SDHA: variants seen among roughly 807,000 people sequenced by gnomAD.
SDHA encodes succinate dehydrogenase [ubiquinone] flavoprotein subunit, mitochondrial.
Under a neutral mutation model 78.4 loss-of-function variants are expected in SDHA, and 48 were observed. The ratio of observed to expected loss-of-function variants is 0.61; its 90% CI spans 0.49 to 0.78. SDHA has a LOEUF of 0.78. SDHA is among the 30% of genes least tolerant of loss of function. The probability of loss-of-function intolerance (pLI) is 0.00; values close to 1 mark genes in which losing one functional copy is unlikely to be tolerated. For synonymous variants in SDHA, 326 were observed against 353.9 expected (o/e 0.92, Z 0.88); for missense variants, 680 against 892.7 (o/e 0.76, Z 3.04).
chr5:257,096 T>G (rs1446497915), downstream of SDHA, among the ~76,000 whole-genome samples: 2 of 152,176 alleles, frequency 1.3e-5, no homozygotes, highest in African/African-American at 2.4e-5. Context: ...TGCCTGGCCT[T>G]GTAGTTTATT....
intron 11 of SDHA, chr5:249,930 A>G (rs1022402521): frequency 2.0e-5 from 3 of 152,260 alleles, no homozygotes; most frequent in African/African-American, 7.2e-5. Context: ...AGAGATTTGT[A>G]TCTAAAAATC....
intron 10 of SDHA, among the ~76,000 whole-genome samples, chr5:239,792 C>T (rs964058464): frequency 7.6e-5 from 11 of 145,536 alleles, no homozygotes; most frequent in African/African-American, 2.9e-4. Flanking sequence ...TTTTTTAAGA[C>T]AGGGTCTCGC....
chr5:237,206 T>C (rs1262755322), intron 10 of SDHA, among the ~76,000 whole-genome samples: 1 of 135,354 alleles, frequency 7.4e-6, no homozygotes, highest in East Asian at 1.9e-4. Flanking sequence ...TTTAGGGGAA[T>C]CATTACATAT....
intron 3 of SDHA, 133 bp downstream of exon 3, chr5:224,654 C>G (rs1271724230): frequency 1.1e-6 from 1 of 940,112 alleles, no homozygotes; most frequent in African/African-American, 1.6e-5. Context: ...TTACTCAGCT[C>G]ACCCTCTCAG....
intron 1 of SDHA, chr5:220,307 T>G (rs1560982600): frequency 2.3e-6 from 1 of 440,452 alleles, no homozygotes; most frequent in Admixed American, 2.4e-5. Flanking sequence ...CCAAGAAACT[T>G]CAATAGTTAC....
chr5:265,932 G>A, the SDHA span, among the ~76,000 whole-genome samples: 1 of 151,712 alleles, frequency 6.6e-6, no homozygotes, highest in Non-Finnish European at 1.5e-5. Flanking sequence ...CAGTCCTGGG[G>A]GAACCCTACC....
chr5:229,866 G>A (rs981867791), intron 6 of SDHA, among the ~76,000 whole-genome samples: 1 of 124,692 alleles, frequency 8.0e-6, no homozygotes, highest in Non-Finnish European at 1.5e-5. Context: ...ACATTATACA[G>A]CATGGTGGCC....
At chr5:252,855 C>T (rs1252197720) in intron 13 of SDHA, among the ~76,000 whole-genome samples, 1 of 143,036 alleles carries the variant, frequency 7.0e-6, no homozygotes, top group Non-Finnish European at 1.5e-5. Flanking sequence ...ACAAGTAAGT[C>T]ACTGTTTCAG....
chr5:246,866 A>G (rs1199159835), intron 11 of SDHA, among the ~76,000 whole-genome samples: 1 of 152,246 alleles, frequency 6.6e-6, no homozygotes, highest in East Asian at 1.9e-4. Flanking sequence ...TTACATGGAT[A>G]TGATCCTGAA....
Position 256,435 on chromosome 5 carries a change from G to A in SDHA, c.*15G>A, listed in dbSNP as rs1057522224. The stretch of plus-strand genomic sequence containing the variant: ...GCTCCTACTGATGAGACAAGATGTG[G>A]TGATGACAGAATCAGCTTTTGTAAT... On this transcript the variant is annotated 3_prime_UTR_variant, in exon 15 of 15. Transcript: ENST00000264932. 5.0e-6 allele frequency: 8 copies of A among 1,592,200 alleles called. No individual in the cohort carries two copies. Among genetic ancestry groups the A allele is most frequent in the Non-Finnish European group, 6.9e-6 (8 of 1,160,330 alleles).
rs1350684986 is a variant in SDHA, at chr5:235,328, T to C, written c.1249T>C (p.Tyr417His). ...TAACATGGGCGGCATTCCCACCAAC[T>C]ACAAGGGGCAGGTGATGGTGCTGGC... ...HYNMGGIPTN[Y>H]KGQVLRHVNG... Residue 417 changes from tyrosine (Y) to histidine (H), a missense_variant, in exon 9 of 15, where the codon TAC becomes CAC. Tyr to His is a moderately conservative substitution (Grantham distance 83). Coordinates refer to ENST00000264932, the MANE Select transcript of SDHA (RefSeq NM_004168.4). 6.2e-7 allele frequency: 1 copy of C among 1,614,080 alleles called. No individual in the cohort carries two copies. The highest frequency in any genetic ancestry group is 1.1e-5 in the South Asian group (1 of 91,078).
the SDHA span, among the ~76,000 whole-genome samples, chr5:268,180 TTTTC>T: frequency 4.9e-5 from 7 of 143,362 alleles, no homozygotes; most frequent in South Asian, 4.2e-4. Flanking sequence ...GCAGGGTGTT[TTTTC>T]TTTCTTTTTT....
At chr5:241,450 C>T (rs185690299) in intron 11 of SDHA, among the ~76,000 whole-genome samples, 124 of 152,250 alleles carry the variant, frequency 8.1e-4, no homozygotes, top group Non-Finnish European at 9.9e-4. Flanking sequence ...GGAGAGTGGG[C>T]GGCAGGTGGA....
chr5:228,413 A>G (rs1198317046), intron 6 of SDHA, 80 bp downstream of exon 6: 3 of 1,424,880 alleles, frequency 2.1e-6, no homozygotes, highest in Non-Finnish European at 2.9e-6. Flanking sequence ...TAATGAAAAT[A>G]GAGGCATTGT....
chr5:225,805 T>C (rs899402014), intron 4 of SDHA, 78 bp from the exon 5 acceptor site: 3 of 1,568,690 alleles, frequency 1.9e-6, no homozygotes, highest in Non-Finnish European at 2.6e-6. Context: ...TGTGTTAAAC[T>C]TGTTTAGTGT....
chr5:258,419 C>T (rs1204379499), downstream of SDHA, among the ~76,000 whole-genome samples: 6 of 129,898 alleles, frequency 4.6e-5, no homozygotes, highest in African/African-American at 1.9e-4. Context: ...TGAGCTCCGC[C>T]TCCTGTCAGA....
At chr5:228,022 CCT>C (rs1290133185) in intron 5 of SDHA, 161 bp from the exon 6 acceptor site, 1 of 707,056 alleles carries the variant, frequency 1.4e-6, no homozygotes, top group African/African-American at 1.8e-5. Flanking sequence ...GCGTGGAATG[CCT>C]CTCGGGCTCT....
At chr5:237,036 T>C (rs1463904045) in intron 10 of SDHA, among the ~76,000 whole-genome samples, 25 of 140,508 alleles carry the variant, frequency 1.8e-4, no homozygotes, top group Non-Finnish European at 2.7e-4. Context: ...GTGATTAAAC[T>C]GAGAAATCCA....
intron 11 of SDHA, chr5:249,334 C>T (rs1167691445): frequency 4.4e-6 from 1 of 228,352 alleles, no homozygotes; most frequent in African/African-American, 2.4e-5. Flanking sequence ...ACGTTGGGAA[C>T]AGGCCCCCCA....
Sources: allele counts gnomAD v4.1 joint callset (sites outside exome capture counted in the v4.1 genomes callset), GRCh38; gene constraint gnomAD v4.1.1; transcripts MANE v1.5; gene names NCBI Gene and HGNC (gene_info 2026-07-23, HGNC 2026-07-21).